The following PSD3 variants were observed in gnomAD, a reference collection of about 807,000 sequenced individuals.
The protein encoded by PSD3 is PH and SEC7 domain-containing protein 3.
PSD3 carries 49 observed loss-of-function variants against 105.5 expected under a neutral mutation model. That is an observed-to-expected ratio of 0.46 (90% CI 0.37 to 0.59). The LOEUF (loss-of-function observed/expected upper bound fraction) is 0.59. Ranked by LOEUF, PSD3 falls within the 20% of genes least tolerant of loss-of-function variation. PSD3 has a pLI of 0.00. For missense variants in PSD3, 1,561 were observed against 1,263.8 expected (o/e 1.24, Z -3.57); for synonymous variants, 557 against 457.8 (o/e 1.22, Z -2.77).
intron 2 of PSD3, among the ~76,000 whole-genome samples, chr8:18,885,693 T>C (rs1211162862): frequency 6.6e-6 from 1 of 152,146 alleles, no homozygotes; most frequent in Non-Finnish European, 1.5e-5. Context: ...GACCCACAGT[T>C]TCACTAAGGA....
chr8:18,798,807 T>C (rs1327341542), intron 8 of PSD3, among the ~76,000 whole-genome samples: 1 of 152,154 alleles, frequency 6.6e-6, no homozygotes, highest in Non-Finnish European at 1.5e-5. Context: ...TTATCTTGTA[T>C]CTTAAGTAGA....
chr8:18,921,342 T>C (rs1202694863), intron 2 of PSD3, among the ~76,000 whole-genome samples: 1 of 152,240 alleles, frequency 6.6e-6, no homozygotes, highest in Non-Finnish European at 1.5e-5. Context: ...TAAAACACAA[T>C]GGTTCTCGAG....
chr8:18,738,095 C>A (rs1157845727), intron 9 of PSD3, among the ~76,000 whole-genome samples: 2 of 152,182 alleles, frequency 1.3e-5, no homozygotes, highest in Admixed American at 6.5e-5. Flanking sequence ...GAATGGCTAA[C>A]ATGGGGTCAC....
At chr8:18,705,279 G>A (rs1801819015) in intron 9 of PSD3, among the ~76,000 whole-genome samples, 2 of 152,280 alleles carry the variant, frequency 1.3e-5, no homozygotes, top group African/African-American at 4.8e-5. Context: ...TGTAATCCCA[G>A]CCCTTTGGGA....
intron 12 of PSD3, among the ~76,000 whole-genome samples, chr8:18,578,409 T>G (rs76349072): frequency 6.6e-6 from 1 of 152,164 alleles, no homozygotes; most frequent in African/African-American, 2.4e-5. Context: ...ATCTCCATGA[T>G]TTGTGAAATT....
At position 18,879,086 on chromosome 8, in the gene PSD3, A is replaced by G. The variant is rs2410578; in HGVS notation, c.131-6353T>C. On this transcript the variant is annotated intron_variant, in intron 2 of 15. Coordinates refer to ENST00000327040, the MANE Select transcript of PSD3 (RefSeq NM_015310.4). ...CACACACACACACACACACACACAC[A>G]CGCACACACAACTGAACACTGGCCC... Among the ~76,000 whole-genome samples the G allele has an allele frequency of 3.1e-3, 350 of 111,242 alleles. 3 individuals carry two copies. The highest frequency in any genetic ancestry group is 9.9e-3 in the African/African-American group (275 of 27,900). The allele number at this position is 111,242 out of a possible 152,430, so 73.0% of individuals were successfully genotyped here. A position where few individuals can be genotyped will look rare whatever the true frequency, so the allele number is the denominator to read the frequency against.
chr8:18,699,387 T>G (rs1467863866), intron 9 of PSD3, among the ~76,000 whole-genome samples: 2 of 152,192 alleles, frequency 1.3e-5, no homozygotes, highest in African/African-American at 4.8e-5. Flanking sequence ...TTGGAGCCAG[T>G]CAACAATTTG....
chr8:18,966,612 T>TA (rs1364980491), intron 1 of PSD3, among the ~76,000 whole-genome samples: 1 of 151,010 alleles, frequency 6.6e-6, no homozygotes, highest in East Asian at 1.9e-4. Context: ...GAGTCATTTT[T>TA]AAAAATACTT....
intron 3 of PSD3, among the ~76,000 whole-genome samples, chr8:18,871,085 C>A (rs1055831485): frequency 6.6e-6 from 1 of 152,152 alleles, no homozygotes; most frequent in Non-Finnish European, 1.5e-5. Flanking sequence ...GGGGACAGAA[C>A]AAGACCCTGT....
intron 6 of PSD3, among the ~76,000 whole-genome samples, chr8:18,801,712 C>T (rs558160782): frequency 1.4e-4 from 21 of 152,192 alleles, no homozygotes; most frequent in African/African-American, 5.1e-4. Flanking sequence ...CGCCTGTAAT[C>T]CCAGCTACTC....
intron 1 of PSD3, among the ~76,000 whole-genome samples, chr8:18,988,520 T>C (rs1340857168): frequency 6.6e-6 from 1 of 152,172 alleles, no homozygotes; most frequent in Non-Finnish European, 1.5e-5. Flanking sequence ...ACTTAGGAAA[T>C]GGTTTTCCTA....
chr8:18,838,864 G>A (rs1042575513), intron 4 of PSD3, among the ~76,000 whole-genome samples: 2 of 149,442 alleles, frequency 1.3e-5, no homozygotes, highest in Non-Finnish European at 3.0e-5. Context: ...CAAGAAAAAA[G>A]TAAGACTTCA....
At chr8:18,815,928 T>C (rs545858154) in intron 4 of PSD3, among the ~76,000 whole-genome samples, 1 of 152,296 alleles carries the variant, frequency 6.6e-6, no homozygotes, top group African/African-American at 2.4e-5. Flanking sequence ...ATTCACTTAA[T>C]TTTGTGTGCA....
chr8:18,877,818 G>A (rs989473632), intron 2 of PSD3, among the ~76,000 whole-genome samples: 1 of 151,862 alleles, frequency 6.6e-6, no homozygotes, highest in Non-Finnish European at 1.5e-5. Context: ...CAGGATTACA[G>A]GCATGTAGCA....
At chr8:18,588,897 G>GTTTA (rs1480152614) in intron 12 of PSD3, among the ~76,000 whole-genome samples, 1 of 152,082 alleles carries the variant, frequency 6.6e-6, no homozygotes, top group African/African-American at 2.4e-5. Flanking sequence ...TGAGAATAGT[G>GTTTA]TTCTCTTCCC....
chr8:18,726,158 A>G (rs1248250676), intron 9 of PSD3, among the ~76,000 whole-genome samples: 1 of 152,202 alleles, frequency 6.6e-6, no homozygotes, highest in Non-Finnish European at 1.5e-5. Flanking sequence ...TAAACCCAGA[A>G]AGGCACTCCT....
upstream of PSD3, among the ~76,000 whole-genome samples, chr8:19,014,788 C>T (rs1318476202): frequency 6.6e-6 from 1 of 152,162 alleles, no homozygotes; most frequent in Non-Finnish European, 1.5e-5. The surrounding 1 kb of genome is among the most constrained non-coding windows in gnomAD (Gnocchi z 4.9). Context: ...ATGGGCTGCC[C>T]GGTGAGCATA....
intron 4 of PSD3, among the ~76,000 whole-genome samples, chr8:18,819,801 T>G (rs10216483): frequency 0.37 from 56,876 of 151,878 alleles, 11,770 homozygotes; most frequent in Middle Eastern, 0.5. Flanking sequence ...ATGATCTTGA[T>G]CTCCTGACCT....
At chr8:18,571,137 A>G (rs1417535344) in intron 14 of PSD3, among the ~76,000 whole-genome samples, 2 of 152,150 alleles carry the variant, frequency 1.3e-5, no homozygotes, top group Non-Finnish European at 2.9e-5. Flanking sequence ...CTGGGATTAC[A>G]GGCATGAGCC....
Sources: allele counts gnomAD v4.1 joint callset (sites outside exome capture counted in the v4.1 genomes callset), GRCh38; gene constraint gnomAD v4.1.1; non-coding constraint Gnocchi (gnomAD v3.1); transcripts MANE v1.5; gene names NCBI Gene and HGNC (gene_info 2026-07-23, HGNC 2026-07-21).